TSEN2: variants seen among roughly 807,000 people sequenced by gnomAD.
TSEN2 encodes the protein tRNA splicing endonuclease subunit 2, also known as tRNA-splicing endonuclease subunit Sen2.
In TSEN2, 54 loss-of-function variants were observed where a neutral mutation model predicts 59.2. That is an observed-to-expected ratio of 0.91 (90% CI 0.73 to 1.14). The LOEUF is 1.14. TSEN2 is among the 50% of genes most tolerant of loss of function. The probability of loss-of-function intolerance (pLI) is 0.00; values close to 1 mark genes in which losing one functional copy is unlikely to be tolerated. For synonymous variants in TSEN2, 195 were observed against 198.2 expected (o/e 0.98, Z 0.14); for missense variants, 636 against 576.2 (o/e 1.10, Z -1.06).
intron 11 of TSEN2, among the ~76,000 whole-genome samples, chr3:12,532,157 A>G (rs1368031376): frequency 6.6e-6 from 1 of 152,012 alleles, no homozygotes; most frequent in Non-Finnish European, 1.5e-5. Flanking sequence ...CCCAACATCC[A>G]GTATGTCTTT....
chr3:12,508,783 C>T (rs1271386054), intron 6 of TSEN2, among the ~76,000 whole-genome samples: 1 of 152,244 alleles, frequency 6.6e-6, no homozygotes, highest in Non-Finnish European at 1.5e-5. Context: ...CTGAAGAGTT[C>T]TGTCTCCATC....
chr3:12,535,599 T>G (rs1352931176), downstream of TSEN2, among the ~76,000 whole-genome samples: 2 of 152,164 alleles, frequency 1.3e-5, no homozygotes, highest in Non-Finnish European at 2.9e-5. Flanking sequence ...TGGTGAGATC[T>G]TGGCTCACTG....
intron 8 of TSEN2, among the ~76,000 whole-genome samples, chr3:12,525,215 G>A (rs1006832545): frequency 2.6e-5 from 4 of 152,172 alleles, no homozygotes; most frequent in African/African-American, 4.8e-5. Flanking sequence ...GCTTATTGGA[G>A]TGTGTCAGGA....
rs2053345821 is a variant in TSEN2 at position 12,492,716 on chromosome 3, T to C, written c.271+499T>C. The stretch of plus-strand genomic sequence containing the variant: ...ATTAGAAAGGATCTTTTAAAGGTTT[T>C]ATTGTAAGAAAATATACAGATTAAA... On this transcript the variant is annotated intron_variant, in intron 3 of 11. Transcript: ENST00000284995. Among the ~76,000 whole-genome samples the C allele has an allele frequency of 3.3e-5, 5 of 152,244 alleles. No individual in the cohort carries two copies. The South Asian group carries it at 1.0e-3, about 32-fold the overall frequency.
At chr3:12,523,031 G>C (rs1457364351) in intron 8 of TSEN2, among the ~76,000 whole-genome samples, 1 of 152,154 alleles carries the variant, frequency 6.6e-6, no homozygotes, top group Non-Finnish European at 1.5e-5. Flanking sequence ...AGAGGAGTTT[G>C]AGGTTTAGAA....
At chr3:12,481,750 T>C (rs1302328337), upstream of TSEN2, among the ~76,000 whole-genome samples, 2 of 152,156 alleles carry the variant, frequency 1.3e-5, no homozygotes, top group East Asian at 3.8e-4. Context: ...TTGATGAAAA[T>C]GCTGTGACCA....
intron 8 of TSEN2, 148 bp downstream of exon 8, chr3:12,519,345 G>A: frequency 3.2e-6 from 4 of 1,231,490 alleles, no homozygotes; most frequent in Non-Finnish European, 3.5e-6. Context: ...TTTGGATTGG[G>A]TTAAGGGTAA....
chr3:12,506,136 ATC>A (rs1255336288), intron 6 of TSEN2, among the ~76,000 whole-genome samples: 1 of 144,832 alleles, frequency 6.9e-6, no homozygotes, highest in African/African-American at 2.9e-5. Context: ...CATACAATTT[ATC>A]CACTTAAAGA....
At chr3:12,492,064 C>A in intron 2 of TSEN2, 72 bp from the exon 3 acceptor site, 2 of 1,303,120 alleles carry the variant, frequency 1.5e-6, no homozygotes, top group Non-Finnish European at 2.2e-6. Context: ...TGAGGGATTA[C>A]TGTATATTCT....
intron 8 of TSEN2, among the ~76,000 whole-genome samples, chr3:12,524,191 C>T (rs937592937): frequency 2.0e-5 from 3 of 151,860 alleles, no homozygotes; most frequent in African/African-American, 7.3e-5. Context: ...CCTGGCTTCC[C>T]AAAGTGTAGG....
In TSEN2 at chr3:12,489,879, T is replaced by G; in HGVS notation, c.79T>G (p.Phe27Val). 1 of 1,614,074 alleles carries G rather than the reference T, an allele frequency of 6.2e-7. No homozygotes were observed. Among genetic ancestry groups the G allele is most frequent in the Non-Finnish European group, 8.5e-7 (1 of 1,180,008 alleles). ...ETYESPLPIP[F>V]GQDHGPLKEF... is the part of the protein sequence containing the mutation. ...TTACGAGTCTCCATTGCCAATCCCT[T>G]TTGGTCAGGACCATGGTCCTCTGAA... The change falls in exon 2 of 12, where the codon TTT becomes GTT. Residue 27 changes from phenylalanine to valine, a missense_variant. By Grantham distance (50) the Phe-to-Val change is conservative. Transcript: ENST00000284995.
upstream of TSEN2, among the ~76,000 whole-genome samples, chr3:12,481,027 A>G (rs2052186861): frequency 1.3e-5 from 2 of 152,236 alleles, no homozygotes; most frequent in Admixed American, 1.3e-4. Flanking sequence ...GAATTAAATA[A>G]GATCATGGAT....
At chr3:12,516,484 G>GAT in intron 6 of TSEN2, 127 bp from the exon 7 acceptor site, 1 of 699,696 alleles carries the variant, frequency 1.4e-6, no homozygotes. Context: ...GTGTGTGTGT[G>GAT]TGTGACCTTT....
chr3:12,516,831 G>A (rs1333370555), intron 7 of TSEN2, among the ~76,000 whole-genome samples, 170 bp downstream of exon 7: 3 of 152,060 alleles, frequency 2.0e-5, no homozygotes, highest in South Asian at 2.1e-4. Context: ...GGGACTGTTC[G>A]AGCAAAAGGC....
In TSEN2 at chr3:12,532,814, A is replaced by C; in HGVS notation, c.*93A>C. On this transcript the variant is annotated 3_prime_UTR_variant, in exon 12 of 12. Transcript: ENST00000284995. ...TGTTGTAATCGTCCATTAATTCATA[A>C]GTTTTAAAGGGCATGGTGCTCCCAG... is the stretch of plus-strand genomic sequence containing the variant. The C allele has an allele frequency of 8.2e-7, 1 of 1,226,712 alleles. No homozygotes were observed. Among genetic ancestry groups the C allele is most frequent in the Non-Finnish European group, 1.2e-6 (1 of 836,240 alleles). 76.0% of individuals were successfully genotyped at this position (1,226,712 alleles called of 1,614,324 possible).
intron 4 of TSEN2, among the ~76,000 whole-genome samples, chr3:12,499,744 G>A (rs567395856): frequency 6.6e-6 from 1 of 152,184 alleles, no homozygotes; most frequent in South Asian, 2.1e-4. Flanking sequence ...TGATGGGCCT[G>A]TGTGTCATCT....
chr3:12,496,116 T>C (rs1012452656), intron 3 of TSEN2, among the ~76,000 whole-genome samples: 1 of 152,236 alleles, frequency 6.6e-6, no homozygotes, highest in Non-Finnish European at 1.5e-5. Context: ...ACTTTTGATA[T>C]ACACATGGAA....
At chr3:12,509,996 TGTGTCCTTCTCCCCAAGGAGG>T (rs2055263261) in intron 6 of TSEN2, among the ~76,000 whole-genome samples, 1 of 152,262 alleles carries the variant, frequency 6.6e-6, no homozygotes, top group Non-Finnish European at 1.5e-5. Flanking sequence ...GTCAGGCTCA[TGTGTCCTTCTCCCCAAGGAGG>T]TATAAACTGT....
At chr3:12,492,364 A>C (rs567335207) in intron 3 of TSEN2, 147 bp downstream of exon 3, 76 of 676,068 alleles carry the variant, frequency 1.1e-4, no homozygotes, top group East Asian at 9.6e-4. Context: ...GAATAATTCT[A>C]ATCAAAGCAA....
Sources: gnomAD v4.1 joint callset for allele counts (sites outside exome capture counted in the v4.1 genomes callset) on GRCh38, gnomAD v4.1.1 for gene constraint, MANE v1.5 for transcripts, NCBI Gene and HGNC (gene_info 2026-07-23, HGNC 2026-07-21) for gene names.